The following SSBP2 variants were observed in gnomAD, a reference collection of about 807,000 sequenced individuals.
SSBP2 encodes the protein single stranded DNA binding protein 2.
A neutral mutation model predicts 61.8 loss-of-function variants in SSBP2; 17 were observed. The observed-to-expected ratio is 0.28, with a 90% CI of 0.19 to 0.41. The LOEUF (loss-of-function observed/expected upper bound fraction) is 0.41, where lower values mean the gene tolerates loss of function less well. SSBP2 is among the 10% of genes least tolerant of loss of function. SSBP2 has a pLI of 1.00. For synonymous variants in SSBP2, 139 were observed against 141.3 expected (o/e 0.98, Z 0.12); for missense variants, 310 against 458.7 (o/e 0.68, Z 2.96).
intron 4 of SSBP2, among the ~76,000 whole-genome samples, chr5:81,572,577 T>G (rs1474893791): frequency 6.6e-6 from 1 of 152,194 alleles, no homozygotes. Context: ...AGGCTTTAGA[T>G]GAGCCATAGA....
chr5:81,470,320 T>C (rs1028086568), intron 8 of SSBP2, among the ~76,000 whole-genome samples: 6 of 151,806 alleles, frequency 4.0e-5, no homozygotes, highest in Non-Finnish European at 7.4e-5. Context: ...AGAAAAGATA[T>C]TTTTCTTGAT....
intron 9 of SSBP2, among the ~76,000 whole-genome samples, chr5:81,465,343 CAG>C (rs1195567094): frequency 6.6e-6 from 1 of 151,938 alleles, no homozygotes; most frequent in East Asian, 1.9e-4. Context: ...TTAAAAATTT[CAG>C]CCATATTTTT....
At chr5:81,650,930 T>C (rs929383572) in intron 1 of SSBP2, among the ~76,000 whole-genome samples, 1 of 152,178 alleles carries the variant, frequency 6.6e-6, no homozygotes, top group Non-Finnish European at 1.5e-5. Flanking sequence ...ACTTTAAAGA[T>C]ATCAGATCAT....
chr5:81,681,531 A>G (rs1028679377), intron 1 of SSBP2, among the ~76,000 whole-genome samples: 2 of 151,888 alleles, frequency 1.3e-5, no homozygotes, highest in African/African-American at 2.4e-5. Context: ...AAAAAAAAAA[A>G]AAAAAGAAAA....
chr5:81,496,905 A>G (rs1767329801), intron 5 of SSBP2, among the ~76,000 whole-genome samples: 1 of 152,228 alleles, frequency 6.6e-6, no homozygotes, highest in Non-Finnish European at 1.5e-5. Context: ...GTACATAAAT[A>G]AATTGTTTGA....
intron 1 of SSBP2, among the ~76,000 whole-genome samples, chr5:81,667,323 A>G (rs111985290): frequency 1.1e-3 from 159 of 150,774 alleles, no homozygotes; most frequent in African/African-American, 3.5e-3. Flanking sequence ...ACACACACAC[A>G]CACACACACG....
intron 4 of SSBP2, among the ~76,000 whole-genome samples, chr5:81,564,876 T>TA (rs1773307270): frequency 6.6e-6 from 1 of 152,154 alleles, no homozygotes; most frequent in Non-Finnish European, 1.5e-5. Context: ...GCAAATAAGT[T>TA]AAAAAACCGC....
At chr5:81,534,112 C>A (rs896058490) in intron 4 of SSBP2, among the ~76,000 whole-genome samples, 5 of 152,096 alleles carry the variant, frequency 3.3e-5, no homozygotes, top group Non-Finnish European at 7.4e-5. Context: ...GCCAACCTTT[C>A]CCACCTATGG....
At chr5:81,665,212 T>C (rs973985679) in intron 1 of SSBP2, among the ~76,000 whole-genome samples, 1 of 152,198 alleles carries the variant, frequency 6.6e-6, no homozygotes, top group Non-Finnish European at 1.5e-5. Flanking sequence ...GTTTTTCCAC[T>C]TGTTTTTGTC....
intron 1 of SSBP2, among the ~76,000 whole-genome samples, chr5:81,707,646 G>T (rs74982994): frequency 0.071 from 10,869 of 152,182 alleles, 486 homozygotes; most frequent in Middle Eastern, 0.12. Context: ...TGTTACAGCA[G>T]CCCTTGCAAA....
chr5:81,740,848 A>C (rs1756968921), intron 1 of SSBP2, among the ~76,000 whole-genome samples: 1 of 152,192 alleles, frequency 6.6e-6, no homozygotes, highest in Non-Finnish European at 1.5e-5. Flanking sequence ...TCTGTGGGGC[A>C]CTTTTGGTAC....
intron 1 of SSBP2, among the ~76,000 whole-genome samples, chr5:81,739,367 T>C (rs1756851037): frequency 6.6e-6 from 1 of 152,130 alleles, no homozygotes; most frequent in Non-Finnish European, 1.5e-5. Flanking sequence ...TACTCTTTAC[T>C]TGCCCCATCT....
chr5:81,641,625 T>C (rs2153688620), intron 2 of SSBP2, among the ~76,000 whole-genome samples: 1 of 152,246 alleles, frequency 6.6e-6, no homozygotes, highest in Non-Finnish European at 1.5e-5. Flanking sequence ...TACCACTTGT[T>C]TAAAAAAAGC....
chr5:81,661,347 T>A (rs1186592595), intron 1 of SSBP2, among the ~76,000 whole-genome samples: 1 of 152,190 alleles, frequency 6.6e-6, no homozygotes, highest in Non-Finnish European at 1.5e-5. Context: ...ACATACTGAT[T>A]TCATTCCCTG....
intron 8 of SSBP2, among the ~76,000 whole-genome samples, chr5:81,469,005 T>G (rs1180506505): frequency 1.3e-5 from 2 of 151,976 alleles, no homozygotes; most frequent in Non-Finnish European, 2.9e-5. Context: ...TAGAAATGTT[T>G]CACAAGAAAA....
intron 1 of SSBP2, among the ~76,000 whole-genome samples, chr5:81,708,502 TAGAG>T (rs1037507710): frequency 5.9e-5 from 9 of 152,086 alleles, no homozygotes; most frequent in Non-Finnish European, 1.2e-4. Context: ...TGCGTCATGT[TAGAG>T]AGAGAGAAAT....
chr5:81,501,523 C>G (rs1266247411), intron 5 of SSBP2, among the ~76,000 whole-genome samples: 1 of 148,668 alleles, frequency 6.7e-6, no homozygotes, highest in Non-Finnish European at 1.5e-5. Flanking sequence ...TATTCAGTTA[C>G]TCTATTCCCT....
At chr5:81,725,061 AAAAT>A (rs577632234) in intron 1 of SSBP2, among the ~76,000 whole-genome samples, 3 of 152,298 alleles carry the variant, frequency 2.0e-5, no homozygotes, top group South Asian at 2.1e-4. Context: ...TTGAGCAGAG[AAAAT>A]AAATAAATAC....
intron 1 of SSBP2, among the ~76,000 whole-genome samples, chr5:81,743,230 C>T (rs928773770): frequency 2.6e-5 from 4 of 152,182 alleles, no homozygotes; most frequent in African/African-American, 4.8e-5. Context: ...CCAATTTTCA[C>T]TCATATTTAA....
Sources: allele counts gnomAD v4.1 joint callset (sites outside exome capture counted in the v4.1 genomes callset), GRCh38; gene constraint gnomAD v4.1.1; transcripts MANE v1.5; gene names NCBI Gene and HGNC (gene_info 2026-07-23, HGNC 2026-07-21).